Variants in MCUB observed in about 807,000 individuals in gnomAD.
The protein encoded by MCUB is mitochondrial calcium uniporter dominant negative subunit beta, also known as calcium uniporter regulatory subunit MCUb, mitochondrial.
Under a neutral mutation model 41.4 loss-of-function variants are expected in MCUB, and 46 were observed. That is an observed-to-expected ratio of 1.11 (90% CI 0.88 to 1.42). MCUB has a LOEUF of 1.42. MCUB is among the 40% of genes most tolerant of loss of function. The pLI is 0.00. For synonymous variants in MCUB, 148 were observed against 148.2 expected (o/e 1.00, Z 0.01); for missense variants, 403 against 404.9 (o/e 1.00, Z 0.04).
At chr4:109,596,725 CTTT>C (rs34686512) in intron 1 of MCUB, among the ~76,000 whole-genome samples, 1 of 106,258 alleles carries the variant, frequency 9.4e-6, no homozygotes, top group African/African-American at 2.8e-5. Flanking sequence ...TCTTAAACTT[CTTT>C]TTTTTTTTTT....
intron 1 of MCUB, among the ~76,000 whole-genome samples, chr4:109,646,343 C>T (rs968186673): frequency 3.3e-5 from 5 of 152,170 alleles, no homozygotes; most frequent in Non-Finnish European, 5.9e-5. Context: ...ACCATCTCCG[C>T]ACTTGCTGAA....
chr4:109,686,808 C>T (rs1729851868), intron 7 of MCUB, among the ~76,000 whole-genome samples: 1 of 152,094 alleles, frequency 6.6e-6, no homozygotes, highest in South Asian at 2.1e-4. Context: ...CCCAAGAGTT[C>T]CAAAGCTGCA....
intron 1 of MCUB, among the ~76,000 whole-genome samples, chr4:109,575,759 T>C (rs573693055): frequency 2.0e-5 from 3 of 152,376 alleles, no homozygotes; most frequent in African/African-American, 7.2e-5. Flanking sequence ...GTAAGGCTAT[T>C]AGACATTAGA....
chr4:109,590,842 G>A (rs979788338), intron 1 of MCUB, among the ~76,000 whole-genome samples: 2 of 152,172 alleles, frequency 1.3e-5, no homozygotes, highest in African/African-American at 4.8e-5. Context: ...ACTACATAAA[G>A]GCTATTCACT....
intron 1 of MCUB, among the ~76,000 whole-genome samples, chr4:109,602,403 G>A (rs1014706468): frequency 2.6e-5 from 4 of 152,190 alleles, no homozygotes; most frequent in Admixed American, 6.5e-5. Flanking sequence ...GCAAGAAATA[G>A]GGGTTTAGTT....
intron 4 of MCUB, among the ~76,000 whole-genome samples, chr4:109,677,381 G>A (rs1056022954): frequency 6.6e-6 from 1 of 152,082 alleles, no homozygotes; most frequent in Admixed American, 6.5e-5. Flanking sequence ...ATGAGACTTT[G>A]GAATTGGACT....
intron 1 of MCUB, among the ~76,000 whole-genome samples, chr4:109,644,061 C>G (rs1728778854): frequency 6.6e-6 from 1 of 151,946 alleles, no homozygotes; most frequent in Non-Finnish European, 1.5e-5. Context: ...TCAGTGGATT[C>G]TTAGAAAATG....
At chr4:109,614,920 A>G (rs1349853268) in intron 1 of MCUB, among the ~76,000 whole-genome samples, 1 of 152,170 alleles carries the variant, frequency 6.6e-6, no homozygotes, top group Non-Finnish European at 1.5e-5. Context: ...CACAGCACAG[A>G]AAGCTTATCA....
intron 1 of MCUB, among the ~76,000 whole-genome samples, chr4:109,599,123 TC>T (rs375504304): frequency 3.3e-5 from 5 of 152,376 alleles, no homozygotes; most frequent in African/African-American, 1.2e-4. Context: ...TTAAGCTCTG[TC>T]GTCCAAGAAC....
intron 1 of MCUB, among the ~76,000 whole-genome samples, chr4:109,577,528 T>A (rs1579046473): frequency 6.6e-6 from 1 of 152,260 alleles, no homozygotes; most frequent in East Asian, 1.9e-4. Flanking sequence ...GTCACCTGAC[T>A]TAATTGAAGT....
At position 109,593,810 on chromosome 4, in the gene MCUB, A is replaced by T. The variant is rs1727494018; in HGVS notation, c.99+33374A>T. ...ATTTTTACTTTATTTCATCATCTTT[A>T]GTAATAAAATATAATACATTTTTTC... On this transcript the variant is annotated intron_variant, in intron 1 of 7. Transcript: ENST00000394650. Among the ~76,000 whole-genome samples, 3 of 152,348 alleles carry T rather than the reference A, an allele frequency of 2.0e-5. 1 individual carries two copies. In the South Asian group the frequency reaches 6.2e-4, roughly 32 times the overall value.
intron 4 of MCUB, among the ~76,000 whole-genome samples, chr4:109,678,811 A>C (rs1413889075): frequency 7.8e-3 from 604 of 77,514 alleles, no homozygotes; most frequent in East Asian, 9.5e-3. Context: ...GCGCTCCTCA[A>C]TTCCCAGACG....
intron 1 of MCUB, among the ~76,000 whole-genome samples, chr4:109,604,463 C>G (rs1393028731): frequency 2.0e-5 from 3 of 152,100 alleles, no homozygotes; most frequent in African/African-American, 7.2e-5. Context: ...CATCTGCAAA[C>G]AAGGATAAAT....
At chr4:109,616,245 T>C (rs1006269431) in intron 1 of MCUB, among the ~76,000 whole-genome samples, 1 of 151,796 alleles carries the variant, frequency 6.6e-6, no homozygotes, top group African/African-American at 2.4e-5. Flanking sequence ...TTTGCTTACA[T>C]TGTAGCTACC....
intron 1 of MCUB, among the ~76,000 whole-genome samples, chr4:109,573,357 G>T (rs1168325467): frequency 3.3e-5 from 5 of 151,864 alleles, no homozygotes; most frequent in Non-Finnish European, 5.9e-5. Flanking sequence ...GGAGGCTGCG[G>T]CAGCAGAACC....
chr4:109,580,796 A>C (rs915008898), intron 1 of MCUB, among the ~76,000 whole-genome samples: 1 of 152,028 alleles, frequency 6.6e-6, no homozygotes, highest in Non-Finnish European at 1.5e-5. Flanking sequence ...AGATGGGTAC[A>C]TTGTAAAAAT....
chr4:109,647,841 G>T (rs535043978), intron 1 of MCUB, among the ~76,000 whole-genome samples: 35 of 152,118 alleles, frequency 2.3e-4, no homozygotes, highest in Non-Finnish European at 4.9e-4. Context: ...ACTGCACCTG[G>T]CCCACATAAT....
chr4:109,582,024 G>A (rs201900228), intron 1 of MCUB, among the ~76,000 whole-genome samples: 54 of 152,146 alleles, frequency 3.5e-4, no homozygotes, highest in African/African-American at 9.2e-4. Context: ...CCATCCCATT[G>A]CTGGGTATAT....
At chr4:109,638,209 T>C (rs1414498067) in intron 1 of MCUB, among the ~76,000 whole-genome samples, 1 of 151,950 alleles carries the variant, frequency 6.6e-6, no homozygotes, top group Non-Finnish European at 1.5e-5. Context: ...ATACAAAAAT[T>C]AGCTGGACAT....
Sources: gnomAD v4.1 joint callset for allele counts (sites outside exome capture counted in the v4.1 genomes callset) on GRCh38, gnomAD v4.1.1 for gene constraint, MANE v1.5 for transcripts, NCBI Gene and HGNC (gene_info 2026-07-23, HGNC 2026-07-21) for gene names.